Variants in PSMA1 observed in about 807,000 individuals in gnomAD.
PSMA1 encodes proteasome subunit alpha type-1.
In PSMA1, 3 loss-of-function variants were observed where a neutral mutation model predicts 38.4. The observed-to-expected ratio is 0.08, with a 90% confidence interval of 0.04 to 0.20. The LOEUF (loss-of-function observed/expected upper bound fraction) is 0.20, where lower values mean the gene tolerates loss of function less well. Ranked by LOEUF, PSMA1 falls within the 10% of genes least tolerant of loss-of-function variation. The pLI is 1.00. For synonymous variants in PSMA1, 101 were observed against 107.1 expected, an observed-to-expected ratio of 0.94 and a Z score of 0.35; for missense variants, 227 against 325.3, an observed-to-expected ratio of 0.70 and a Z score of 2.32.
rs760319351 is a variant in PSMA1 at position 14,517,625 on chromosome 11, T to C, written c.254+17A>G. On this transcript the variant is annotated intron_variant, in intron 4 of 9. Coordinates refer to ENST00000396394, the MANE Select transcript of PSMA1 (RefSeq NM_002786.4). ...TATGAAACAAAAAGGATGTTTATTTTTCATGATTATACTTACCATAACAGT... is the reference window on the plus strand; with the variant it reads ...TATGAAACAAAAAGGATGTTTATTTCTCATGATTATACTTACCATAACAGT... 1.7e-5 allele frequency: 25 copies of C among 1,496,830 alleles called. No homozygotes were observed. In the East Asian group the frequency reaches 4.2e-4, roughly 25 times the overall value. The allele number at this position is 1,496,830 out of a possible 1,614,324, so 92.7% of individuals were successfully genotyped here.
chr11:14,637,646 T>C (rs903161624), intron 1 of PSMA1, among the ~76,000 whole-genome samples: 1 of 152,190 alleles, frequency 6.6e-6, no homozygotes, highest in Non-Finnish European at 1.5e-5. Context: ...ATCAACATCT[T>C]TTCTGCAGAA....
intron 3 of PSMA1, 67 bp downstream of exon 3, chr11:14,517,813 C>A (rs1270308740): frequency 1.1e-5 from 16 of 1,502,426 alleles, no homozygotes; most frequent in African/African-American, 1.4e-5. Context: ...AAGTTTACAA[C>A]CTTATTTTCT....
chr11:14,583,504 C>A (rs1852306183), intron 2 of PSMA1, among the ~76,000 whole-genome samples: 1 of 152,190 alleles, frequency 6.6e-6, no homozygotes, highest in Non-Finnish European at 1.5e-5. Context: ...ATGCCATAAG[C>A]CACTCTCAGC....
intron 2 of PSMA1, among the ~76,000 whole-genome samples, chr11:14,570,882 A>C (rs1000264202): frequency 1.3e-5 from 2 of 152,196 alleles, no homozygotes; most frequent in African/African-American, 4.8e-5. Flanking sequence ...TGAGAAGAGC[A>C]ACTCCAAGAC....
At position 14,638,022 on chromosome 11, in the gene PSMA1, C is replaced by A. The variant is rs145046918; in HGVS notation, c.-166+5433G>T. Among the ~76,000 whole-genome samples, 67 of 152,290 alleles carry A rather than the reference C, an allele frequency of 4.4e-4. No homozygotes were observed. In the East Asian group the frequency reaches 0.011, roughly 26 times the overall value. On this transcript the variant is annotated intron_variant, in intron 1 of 10. Transcript: ENST00000418988. ...CTAATTTACATTTACTAAGCATCTA[C>A]TCATTGTTAGTTACCTTACACGTGT...
intron 2 of PSMA1, among the ~76,000 whole-genome samples, chr11:14,587,546 T>A (rs533952374): frequency 1.3e-5 from 2 of 152,172 alleles, no homozygotes; most frequent in East Asian, 3.9e-4. Context: ...GCATAATGAA[T>A]CCTCTGTTGA....
At chr11:14,643,625 T>C (rs1440706558), upstream of PSMA1, 4 of 143,158 alleles carry the variant, frequency 2.8e-5, no homozygotes, top group African/African-American at 7.5e-5. Context: ...GCGTCCCTGT[T>C]GGGCGGCCGC....
chr11:14,517,713 T>C lies in PSMA1; in HGVS notation c.183A>G (p.Lys61=). Residue 61 remains lysine, a synonymous_variant, in exon 4 of 10, where the codon AAA becomes AAG. Coordinates refer to ENST00000396394, the MANE Select transcript of PSMA1 (RefSeq NM_002786.4). ...RAQSELAAHQ[K]KILHVDNHIG... is the part of the protein sequence containing the mutation. ...TATGGTTGTCAACATGGAGAATTTT[T>C]TTCTGATGAGCTGCAAGCTCTGATT... is the stretch of plus-strand genomic sequence containing the variant. The C allele has an allele frequency of 6.2e-7, 1 of 1,609,662 alleles. No individual in the cohort carries two copies. The highest frequency in any genetic ancestry group is 1.1e-5 in the South Asian group (1 of 89,610).
chr11:14,507,594 C>T (rs1374253213), intron 9 of PSMA1, 62 bp downstream of exon 9: 5 of 1,133,134 alleles, frequency 4.4e-6, no homozygotes, highest in Non-Finnish European at 6.5e-6. Flanking sequence ...TTTACAGACA[C>T]AGTTGTGGTA....
chr11:14,630,395 AG>A (rs1235033723), intron 1 of PSMA1, among the ~76,000 whole-genome samples: 6 of 152,206 alleles, frequency 3.9e-5, no homozygotes, highest in Non-Finnish European at 7.3e-5. Context: ...ATTTTGTCAA[AG>A]GACTTTTCTG....
chr11:14,549,811 G>C (rs1471891359), intron 2 of PSMA1, among the ~76,000 whole-genome samples: 1 of 152,128 alleles, frequency 6.6e-6, no homozygotes, highest in Non-Finnish European at 1.5e-5. Context: ...GTCACACAGT[G>C]TGCTCAAGGC....
chr11:14,532,120 A>G (rs1001509920), intron 2 of PSMA1, among the ~76,000 whole-genome samples: 6 of 140,488 alleles, frequency 4.3e-5, no homozygotes, highest in Non-Finnish European at 9.9e-5. Context: ...TTTCTGTGAA[A>G]AAAAAAAAAT....
chr11:14,556,980 T>G (rs1851946695), intron 2 of PSMA1, among the ~76,000 whole-genome samples: 2 of 152,100 alleles, frequency 1.3e-5, no homozygotes, highest in Admixed American at 6.5e-5. Flanking sequence ...GAACTACAGG[T>G]GCATACCCAG....
At position 14,564,017 on chromosome 11, in the gene PSMA1, T is replaced by C. The variant is rs1013004821; in HGVS notation, c.22-44976A>G. On this transcript the variant is annotated intron_variant, in intron 2 of 10. Coordinates refer to the PSMA1 transcript ENST00000418988. Reference sequence around the variant, plus strand: ...TTTTAGATAATTTTAAATTTATACATAGTTGTAAGAAGTAATACAAAAAGA... The same window carrying C: ...TTTTAGATAATTTTAAATTTATACACAGTTGTAAGAAGTAATACAAAAAGA... 5.9e-5 allele frequency among the ~76,000 whole-genome samples: 9 copies of C among 152,360 alleles called. No individual in the cohort carries two copies. In the South Asian group the frequency reaches 6.2e-4, roughly 11 times the overall value.
At chr11:14,639,591 G>A (rs1435513845) in intron 1 of PSMA1, among the ~76,000 whole-genome samples, 2 of 152,162 alleles carry the variant, frequency 1.3e-5, no homozygotes, top group African/African-American at 4.8e-5. Flanking sequence ...AAGCAAATAT[G>A]ATAACAGAAC....
chr11:14,626,774 A>G (rs1852917431), intron 1 of PSMA1, among the ~76,000 whole-genome samples: 1 of 152,220 alleles, frequency 6.6e-6, no homozygotes, highest in Non-Finnish European at 1.5e-5. Context: ...AGCGATGATA[A>G]TTAGGGATCT....
chr11:14,557,044 A>C (rs1389158222), intron 2 of PSMA1, among the ~76,000 whole-genome samples: 1 of 152,132 alleles, frequency 6.6e-6, no homozygotes, highest in East Asian at 1.9e-4. Flanking sequence ...TGTGTTGCCC[A>C]GACCAGTCTC....
At chr11:14,520,849 T>C (rs1294069180), upstream of PSMA1, among the ~76,000 whole-genome samples, 2 of 152,244 alleles carry the variant, frequency 1.3e-5, no homozygotes, top group Admixed American at 6.5e-5. Context: ...TGCATTAAGG[T>C]TGGTGCAAAA....
At chr11:14,592,296 C>T (rs1489395952) in intron 2 of PSMA1, among the ~76,000 whole-genome samples, 1 of 152,094 alleles carries the variant, frequency 6.6e-6, no homozygotes, top group African/African-American at 2.4e-5. Context: ...GCTCGCTCCT[C>T]CTCGTCCCTT....
Sources: gnomAD v4.1 joint callset for allele counts (sites outside exome capture counted in the v4.1 genomes callset) on GRCh38, gnomAD v4.1.1 for gene constraint, MANE v1.5 for transcripts, NCBI Gene and HGNC (gene_info 2026-07-23, HGNC 2026-07-21) for gene names.